GLIS3: variants seen among roughly 807,000 people sequenced by gnomAD.
GLIS3 encodes the protein GLIS family zinc finger 3, also known as zinc finger protein GLIS3.
GLIS3 carries 53 observed loss-of-function variants against 78.6 expected under a neutral mutation model. The ratio of observed to expected loss-of-function variants is 0.67; its 90% CI spans 0.54 to 0.85. GLIS3 has a LOEUF of 0.85. Ranked by LOEUF, GLIS3 falls within the 40% of genes least tolerant of loss-of-function variation. The probability of loss-of-function intolerance (pLI) is 0.00; values close to 1 mark genes in which losing one functional copy is unlikely to be tolerated. For missense variants in GLIS3, 1,703 were observed against 1,231.1 expected, an observed-to-expected ratio of 1.38 and a Z score of -5.74; for synonymous variants, 684 against 509.9, an observed-to-expected ratio of 1.34 and a Z score of -4.60.
At chr9:4,199,519 A>T (rs1035660603) in intron 2 of GLIS3, among the ~76,000 whole-genome samples, 3 of 149,738 alleles carry the variant, frequency 2.0e-5, no homozygotes, top group African/African-American at 7.4e-5. Flanking sequence ...ATATCATATA[A>T]AACAGACTTT....
At chr9:3,849,239 T>A (rs1264517413) in intron 9 of GLIS3, among the ~76,000 whole-genome samples, 4 of 152,104 alleles carry the variant, frequency 2.6e-5, no homozygotes, top group African/African-American at 9.7e-5. Context: ...AGGATATGAA[T>A]GAATCTGTCT....
At chr9:4,211,440 C>G (rs535823217) in intron 2 of GLIS3, among the ~76,000 whole-genome samples, 2 of 152,160 alleles carry the variant, frequency 1.3e-5, no homozygotes, top group African/African-American at 4.8e-5. Flanking sequence ...CCATCCTGCA[C>G]GCACCTTTTT....
intron 2 of GLIS3, among the ~76,000 whole-genome samples, chr9:4,160,367 C>G (rs1197253077): frequency 6.6e-6 from 1 of 152,192 alleles, no homozygotes; most frequent in East Asian, 1.9e-4. Flanking sequence ...GAAATAGGAA[C>G]TCGCCGGGTT....
chr9:4,448,423 G>A, the GLIS3 span, among the ~76,000 whole-genome samples: 1 of 152,196 alleles, frequency 6.6e-6, no homozygotes, highest in East Asian at 1.9e-4. Context: ...TCTCCTGATG[G>A]CAGAGAAGTT....
chr9:4,411,616 C>T, the GLIS3 span, among the ~76,000 whole-genome samples: 1 of 152,068 alleles, frequency 6.6e-6, no homozygotes, highest in Admixed American at 6.6e-5. Flanking sequence ...TCCATTTGAC[C>T]TAATTTTTAG....
intron 2 of GLIS3, among the ~76,000 whole-genome samples, chr9:4,190,006 G>C (rs1818185557): frequency 1.3e-5 from 2 of 151,986 alleles, no homozygotes; most frequent in African/African-American, 4.8e-5. Context: ...CAAACAGAAA[G>C]GACATCCACA....
intron 2 of GLIS3, among the ~76,000 whole-genome samples, chr9:4,345,179 G>A (rs1817882975): frequency 6.6e-6 from 1 of 152,120 alleles, no homozygotes; most frequent in East Asian, 1.9e-4. Flanking sequence ...CCTGCCACTG[G>A]GCCCCTGCGT....
chr9:4,439,589 C>G, the GLIS3 span, among the ~76,000 whole-genome samples: 6 of 152,308 alleles, frequency 3.9e-5, no homozygotes, highest in East Asian at 1.2e-3. Flanking sequence ...ATAACCACCC[C>G]AGTTTCTGGT....
chr9:4,164,650 C>G (rs1835743548), intron 2 of GLIS3, among the ~76,000 whole-genome samples: 1 of 152,168 alleles, frequency 6.6e-6, no homozygotes, highest in African/African-American at 2.4e-5. Flanking sequence ...AAAGGAAAGG[C>G]TGCTTAGAGG....
At chr9:4,383,350 T>C in the GLIS3 span, among the ~76,000 whole-genome samples, 1 of 152,236 alleles carries the variant, frequency 6.6e-6, no homozygotes, top group African/African-American at 2.4e-5. Flanking sequence ...TGTTTGAAAG[T>C]TTAATTTTCC....
At chr9:4,158,323 C>T (rs59991707) in intron 2 of GLIS3, among the ~76,000 whole-genome samples, 451 of 152,300 alleles carry the variant, frequency 3.0e-3, no homozygotes, top group African/African-American at 9.9e-3. Context: ...ATCCCTGATA[C>T]ATGTGTCCAA....
chr9:4,197,179 A>C (rs1056861571), intron 2 of GLIS3, among the ~76,000 whole-genome samples: 2 of 152,104 alleles, frequency 1.3e-5, no homozygotes, highest in East Asian at 1.9e-4. Flanking sequence ...CAGTAGGCAG[A>C]TCTCCAGGCC....
intron 6 of GLIS3, among the ~76,000 whole-genome samples, chr9:3,927,021 C>T (rs1282672740): frequency 6.6e-6 from 1 of 152,234 alleles, no homozygotes; most frequent in African/African-American, 2.4e-5. Flanking sequence ...ATAGGCCACC[C>T]TCTGTTAACA....
chr9:4,262,832 C>T (rs1007610700), intron 2 of GLIS3, among the ~76,000 whole-genome samples: 2 of 150,830 alleles, frequency 1.3e-5, no homozygotes, highest in African/African-American at 4.9e-5. Flanking sequence ...GATATGACTT[C>T]ACCGAAAGGA....
At chr9:3,984,640 C>T (rs1819583276) in intron 4 of GLIS3, among the ~76,000 whole-genome samples, 1 of 152,226 alleles carries the variant, frequency 6.6e-6, no homozygotes, top group Admixed American at 6.5e-5. Flanking sequence ...TGAGTTAAGA[C>T]TTTGGGGGAC....
rs145982656 is a variant in GLIS3 at position 3,849,804 on chromosome 9, G to A, written c.2473+6205C>T. Among the ~76,000 whole-genome samples the A allele has an allele frequency of 9.8e-3, 1,489 of 152,214 alleles. 14 individuals are homozygous for A. Among genetic ancestry groups the A allele is most frequent in the Middle Eastern group, 0.017 (5 of 294 alleles). On this transcript the variant is annotated intron_variant, in intron 9 of 10. Transcript: ENST00000381971. Reference sequence around the variant, plus strand: ...TGTGTCTATAGTCCCAGCTACTCAGGAGGCTGAGGCAGGAGAATAGCTGGA... The same window carrying A: ...TGTGTCTATAGTCCCAGCTACTCAGAAGGCTGAGGCAGGAGAATAGCTGGA...
chr9:4,191,899 C>G (rs1233887675), intron 2 of GLIS3, among the ~76,000 whole-genome samples: 6 of 151,806 alleles, frequency 4.0e-5, no homozygotes, highest in Non-Finnish European at 8.8e-5. Flanking sequence ...ATTAATATTT[C>G]TAAAGCAAGA....
chr9:4,161,260 G>C (rs1427714481), intron 2 of GLIS3, among the ~76,000 whole-genome samples: 1 of 152,044 alleles, frequency 6.6e-6, no homozygotes, highest in South Asian at 2.1e-4. Context: ...GAGACAAAGC[G>C]AGACCCTGTC....
the GLIS3 span, among the ~76,000 whole-genome samples, chr9:4,385,809 GAA>G: frequency 2.2e-5 from 1 of 44,934 alleles, no homozygotes; most frequent in East Asian, 5.5e-4. Flanking sequence ...AAGAAAGAAA[GAA>G]AAGAAAGAAA....
Sources: allele counts gnomAD v4.1 joint callset (sites outside exome capture counted in the v4.1 genomes callset), GRCh38; gene constraint gnomAD v4.1.1; transcripts MANE v1.5; gene names NCBI Gene and HGNC (gene_info 2026-07-23, HGNC 2026-07-21).